Variants in DIAPH2 observed in about 807,000 individuals in gnomAD.
The protein encoded by DIAPH2 is protein diaphanous homolog 2.
A neutral mutation model predicts 92.7 loss-of-function variants in DIAPH2; 35 were observed. The observed-to-expected ratio is 0.38, with a 90% CI of 0.29 to 0.50. The LOEUF is 0.50. Ranked by LOEUF, DIAPH2 falls within the 20% of genes least tolerant of loss-of-function variation. The pLI is 0.94. For missense variants in DIAPH2, 701 were observed against 819.5 expected, an observed-to-expected ratio of 0.86 and a Z score of 1.77; for synonymous variants, 301 against 280.4, an observed-to-expected ratio of 1.07 and a Z score of -0.73.
chrX:97,437,972 A>G, intron 26 of DIAPH2, among the ~76,000 whole-genome samples: 1 of 109,101 alleles, frequency 9.2e-6, no homozygotes, highest in East Asian at 2.9e-4. Context: ...ACTCAGAAAG[A>G]AAAAAAAATT....
intron 1 of DIAPH2, among the ~76,000 whole-genome samples, chrX:96,706,459 G>A (rs1013023982): frequency 2.7e-5 from 3 of 111,992 alleles, no homozygotes; most frequent in South Asian, 3.7e-4. Flanking sequence ...TGGAACTACG[G>A]CAGTGGTACT....
chrX:97,022,922 G>A (rs755863113), intron 17 of DIAPH2, among the ~76,000 whole-genome samples: 35 of 111,135 alleles, frequency 3.1e-4, no homozygotes, highest in African/African-American at 1.1e-3. Context: ...GGTGATGCAC[G>A]TCTGTAGTCC....
intron 1 of DIAPH2, among the ~76,000 whole-genome samples, chrX:96,735,097 C>T (rs184131493): frequency 1.8e-5 from 2 of 111,594 alleles, no homozygotes; most frequent in Non-Finnish European, 3.8e-5. Flanking sequence ...AACATAACTA[C>T]ATTATTAGGT....
At chrX:96,755,444 G>A (rs1569384952) in intron 3 of DIAPH2, among the ~76,000 whole-genome samples, 1 of 110,929 alleles carries the variant, frequency 9.0e-6, no homozygotes, top group Non-Finnish European at 1.9e-5. Flanking sequence ...ATGAGATCAG[G>A]AGATCGAGAT....
At chrX:96,908,455 C>A (rs1259315817) in intron 5 of DIAPH2, among the ~76,000 whole-genome samples, 1 of 111,211 alleles carries the variant, frequency 9.0e-6, no homozygotes, top group Middle Eastern at 4.2e-3. Flanking sequence ...TGTCTGTAAT[C>A]TCTGAGTAAG....
intron 22 of DIAPH2, among the ~76,000 whole-genome samples, chrX:97,192,169 A>G (rs1417218835): frequency 9.3e-6 from 1 of 107,540 alleles, no homozygotes; most frequent in African/African-American, 3.4e-5. Context: ...TCGCACCTGT[A>G]GGTGCTCGCA....
intron 26 of DIAPH2, among the ~76,000 whole-genome samples, chrX:97,592,678 ACT>A (rs2071525593): frequency 9.0e-6 from 1 of 111,556 alleles, no homozygotes; most frequent in Non-Finnish European, 1.9e-5. Flanking sequence ...ACACAAAAGC[ACT>A]CTGTTTCATG....
chrX:96,751,272 A>G (rs1214867845), intron 3 of DIAPH2, among the ~76,000 whole-genome samples: 1 of 111,272 alleles, frequency 9.0e-6, no homozygotes, highest in East Asian at 2.8e-4. Flanking sequence ...AGTATTTACA[A>G]ATGTGGCTTT....
intron 25 of DIAPH2, among the ~76,000 whole-genome samples, chrX:97,428,238 A>C (rs976086148): frequency 9.0e-5 from 10 of 111,726 alleles, no homozygotes; most frequent in Non-Finnish European, 9.4e-5. Context: ...CCATAAGAAA[A>C]TGTATTTTCA....
intron 4 of DIAPH2, among the ~76,000 whole-genome samples, chrX:96,820,616 A>G (rs753643004): frequency 1.8e-5 from 2 of 112,791 alleles, no homozygotes; most frequent in South Asian, 7.3e-4. Flanking sequence ...GGTTTTCAAA[A>G]CAAAAATGCA....
At chrX:96,706,485 G>C (rs1224792204) in intron 1 of DIAPH2, among the ~76,000 whole-genome samples, 1 of 112,153 alleles carries the variant, frequency 8.9e-6, no homozygotes, top group Non-Finnish European at 1.9e-5. Flanking sequence ...TGGAGAAGAG[G>C]AGGAAGATTA....
chrX:97,584,991 A>G (rs1248822156), intron 26 of DIAPH2, among the ~76,000 whole-genome samples: 2 of 112,279 alleles, frequency 1.8e-5, no homozygotes, highest in Admixed American at 9.4e-5. Flanking sequence ...TGATGACTCA[A>G]GTCTCTGAAA....
At chrX:97,507,968 A>G (rs2070849475) in intron 26 of DIAPH2, among the ~76,000 whole-genome samples, 1 of 110,877 alleles carries the variant, frequency 9.0e-6, no homozygotes, top group Non-Finnish European at 1.9e-5. Context: ...GATAAAGAAG[A>G]TTACGTGACT....
intron 1 of DIAPH2, among the ~76,000 whole-genome samples, chrX:96,710,864 A>C (rs1380295621): frequency 1.8e-5 from 2 of 110,897 alleles, no homozygotes; most frequent in Non-Finnish European, 3.8e-5. Context: ...CCCTCCTGAA[A>C]ATTCATTGCA....
At position 97,325,978 on chromosome X, in the gene DIAPH2, C is replaced by T. The variant is rs1569363134; in HGVS notation, c.2845-22138C>T. The stretch of plus-strand genomic sequence containing the variant: ...AGAGGTTTCATTTAAACTTGATCTA[C>T]TTTATTTAATCTAAGGCATTTGCAG... On this transcript the variant is annotated intron_variant, in intron 23 of 26. Coordinates refer to ENST00000324765, the MANE Select transcript of DIAPH2 (RefSeq NM_006729.5). 2.7e-5 allele frequency among the ~76,000 whole-genome samples: 3 copies of T among 112,609 alleles called. No individual in the cohort carries two copies. The South Asian group carries it at 1.1e-3, about 41-fold the overall frequency.
At chrX:97,362,986 A>G (rs2069339814) in intron 24 of DIAPH2, among the ~76,000 whole-genome samples, 1 of 112,782 alleles carries the variant, frequency 8.9e-6, no homozygotes, top group South Asian at 3.6e-4. Flanking sequence ...AGGTACAGTT[A>G]GATGATTTTT....
chrX:96,900,661 A>T (rs73543177), intron 5 of DIAPH2, among the ~76,000 whole-genome samples: 2,477 of 111,359 alleles, frequency 0.022, 65 homozygotes, highest in African/African-American at 0.077. Context: ...TTTTATCATA[A>T]AGGGATGGTG....
Position 97,418,256 on chromosome X carries a change from T to C in DIAPH2, c.3146-11394T>C, listed in dbSNP as rs185561100. On this transcript the variant is annotated intron_variant, in intron 25 of 26. Coordinates refer to ENST00000324765, the MANE Select transcript of DIAPH2 (RefSeq NM_006729.5). ...AGGGGAATTGATTCATTATTTAATT[T>C]TATAATGAAAGAAAGAAGAACATTA... is the stretch of plus-strand genomic sequence containing the variant. 2.1e-4 allele frequency among the ~76,000 whole-genome samples: 24 copies of C among 112,352 alleles called. 1 individual carries two copies. The East Asian group carries it at 6.7e-3, about 32-fold the overall frequency.
intron 22 of DIAPH2, among the ~76,000 whole-genome samples, chrX:97,195,146 T>C (rs28754617): frequency 0.023 from 2,623 of 112,044 alleles, 32 homozygotes; most frequent in Middle Eastern, 0.037. Context: ...ATCAATTCCG[T>C]AATTTAAAAA....
Sources: allele counts gnomAD v4.1 joint callset (sites outside exome capture counted in the v4.1 genomes callset), GRCh38; gene constraint gnomAD v4.1.1; transcripts MANE v1.5; gene names NCBI Gene and HGNC (gene_info 2026-07-23, HGNC 2026-07-21).